The following HEMK2 variants were observed in gnomAD, a reference collection of about 807,000 sequenced individuals.
The protein encoded by HEMK2 is HemK methyltransferase 2, ETF1 glutamine and histone H4 lysine.
At chr21:28,841,270 T>TA in the HEMK2 span, among the ~76,000 whole-genome samples, 1 of 6,182 alleles carries the variant, frequency 1.6e-4, no homozygotes, top group African/African-American at 1.9e-3. Flanking sequence ...ATAATATATA[T>TA]TATATATTAT....
chr21:28,740,813 C>G, the HEMK2 span, among the ~76,000 whole-genome samples: 2 of 152,100 alleles, frequency 1.3e-5, no homozygotes, highest in Non-Finnish European at 2.9e-5. Flanking sequence ...TCCCTTCTGC[C>G]CAACTTCCTG....
At chr21:28,838,972 A>AAAAAAAATATAT in the HEMK2 span, among the ~76,000 whole-genome samples, 3 of 29,160 alleles carry the variant, frequency 1.0e-4, no homozygotes, top group African/African-American at 1.9e-4. Context: ...AAAAAAAAAA[A>AAAAAAAATATAT]ATATATATAT....
At chr21:28,631,193 T>C in the HEMK2 span, among the ~76,000 whole-genome samples, 5 of 152,096 alleles carry the variant, frequency 3.3e-5, no homozygotes, top group African/African-American at 4.8e-5. Flanking sequence ...GACCAGCTGG[T>C]CCAGTCCCAG....
the HEMK2 span, among the ~76,000 whole-genome samples, chr21:28,869,937 A>G: frequency 6.6e-6 from 1 of 152,212 alleles, no homozygotes; most frequent in Non-Finnish European, 1.5e-5. Flanking sequence ...TCAGAACTGG[A>G]ACACTGCCAG....
the HEMK2 span, among the ~76,000 whole-genome samples, chr21:28,777,711 G>C: frequency 1.3e-5 from 2 of 152,150 alleles, no homozygotes; most frequent in Non-Finnish European, 2.9e-5. Context: ...GACCTTTGTT[G>C]TTAGAATAAA....
At chr21:28,774,468 G>A in the HEMK2 span, among the ~76,000 whole-genome samples, 1 of 152,016 alleles carries the variant, frequency 6.6e-6, no homozygotes, top group African/African-American at 2.4e-5. Flanking sequence ...CATGCCTACA[G>A]TCCCAGTTAC....
chr21:28,810,381 T>C, the HEMK2 span, among the ~76,000 whole-genome samples: 1 of 152,052 alleles, frequency 6.6e-6, no homozygotes, highest in Non-Finnish European at 1.5e-5. Flanking sequence ...TCATTTACAG[T>C]CAATAAATCA....
the HEMK2 span, among the ~76,000 whole-genome samples, chr21:28,681,188 A>C: frequency 0.56 from 84,860 of 152,050 alleles, 26,457 homozygotes; most frequent in East Asian, 0.84. Flanking sequence ...TAAGCTGATA[A>C]GCAACTTCAG....
the HEMK2 span, among the ~76,000 whole-genome samples, chr21:28,843,423 A>C: frequency 6.6e-6 from 1 of 152,130 alleles, no homozygotes; most frequent in African/African-American, 2.4e-5. Flanking sequence ...CTCCCTTGAC[A>C]TGTGGTGATT....
At chr21:28,816,617 C>G in the HEMK2 span, among the ~76,000 whole-genome samples, 26 of 152,234 alleles carry the variant, frequency 1.7e-4, no homozygotes, top group Admixed American at 7.8e-4. Flanking sequence ...GGAGTTGGAG[C>G]CCGCACTGAA....
the HEMK2 span, among the ~76,000 whole-genome samples, chr21:28,734,710 A>G: frequency 6.6e-6 from 1 of 152,218 alleles, no homozygotes; most frequent in Non-Finnish European, 1.5e-5. Flanking sequence ...TCATGAGTCA[A>G]CAAAAGCTTT....
chr21:28,864,978 G>A, the HEMK2 span, among the ~76,000 whole-genome samples: 15 of 150,870 alleles, frequency 9.9e-5, no homozygotes, highest in Non-Finnish European at 1.9e-4. Flanking sequence ...GTTACCAAGC[G>A]TCGTCCCTTC....
chr21:28,840,120 G>A, the HEMK2 span, among the ~76,000 whole-genome samples: 2 of 152,006 alleles, frequency 1.3e-5, no homozygotes, highest in African/African-American at 4.8e-5. Flanking sequence ...GTGGGGAAAC[G>A]ACATTCTTTC....
At chr21:28,620,023 C>A in the HEMK2 span, among the ~76,000 whole-genome samples, 16 of 152,086 alleles carry the variant, frequency 1.1e-4, no homozygotes, top group African/African-American at 3.1e-4. Flanking sequence ...ATTTGAATAC[C>A]CTTTATTTAT....
the HEMK2 span, among the ~76,000 whole-genome samples, chr21:28,855,646 T>C: frequency 6.6e-6 from 1 of 151,778 alleles, no homozygotes; most frequent in African/African-American, 2.4e-5. Flanking sequence ...AAATGGAAAA[T>C]AAAATTACAT....
chr21:28,599,219 T>C, the HEMK2 span, among the ~76,000 whole-genome samples: 10 of 152,280 alleles, frequency 6.6e-5, no homozygotes, highest in Non-Finnish European at 1.3e-4. Context: ...TGAAGTAGTG[T>C]TGTATTAGTC....
the HEMK2 span, among the ~76,000 whole-genome samples, chr21:28,739,422 G>C: frequency 6.6e-6 from 1 of 152,072 alleles, no homozygotes; most frequent in African/African-American, 2.4e-5. Context: ...AATATAATAT[G>C]GTATAGATAA....
chr21:28,583,543 A>G, the HEMK2 span, among the ~76,000 whole-genome samples: 1 of 152,222 alleles, frequency 6.6e-6, no homozygotes, highest in Non-Finnish European at 1.5e-5. Context: ...ATCAAAATGA[A>G]CATCTGAATA....
the HEMK2 span, among the ~76,000 whole-genome samples, chr21:28,665,334 CTTTTTTTTT>C: frequency 5.5e-5 from 2 of 36,680 alleles, no homozygotes; most frequent in East Asian, 2.1e-3. Flanking sequence ...ATTTATATTT[CTTTTTTTTT>C]TTTTTTTTTT....
Sources: gnomAD v4.1 joint callset for allele counts (sites outside exome capture counted in the v4.1 genomes callset) on GRCh38, gnomAD v4.1.1 for gene constraint, MANE v1.5 for transcripts, NCBI Gene and HGNC (gene_info 2026-07-23, HGNC 2026-07-21) for gene names.